DPP6: variants seen among roughly 807,000 people sequenced by gnomAD.
DPP6 encodes the protein A-type potassium channel modulatory protein DPP6.
DPP6 carries 69 observed loss-of-function variants against 122.6 expected under a neutral mutation model. The observed-to-expected ratio is 0.56, with a 90% CI of 0.46 to 0.69. The LOEUF (loss-of-function observed/expected upper bound fraction) is 0.69, where lower values mean the gene tolerates loss of function less well. Ranked by LOEUF, DPP6 falls within the 30% of genes least tolerant of loss-of-function variation. DPP6 has a pLI of 0.00. For missense variants in DPP6, 928 were observed against 1,116.9 expected (o/e 0.83, Z 2.41); for synonymous variants, 418 against 433.1 (o/e 0.97, Z 0.43).
At chr7:153,767,745 TG>T in the DPP6 span, among the ~76,000 whole-genome samples, 1 of 152,184 alleles carries the variant, frequency 6.6e-6, no homozygotes, top group African/African-American at 2.4e-5. Context: ...TGTCTTATTC[TG>T]GACAAGAATA....
intron 1 of DPP6, among the ~76,000 whole-genome samples, chr7:153,888,562 T>C (rs934835522): frequency 6.6e-6 from 1 of 152,234 alleles, no homozygotes; most frequent in Non-Finnish European, 1.5e-5. Context: ...GTCAGGGCGC[T>C]GGAGTCTCTG....
At chr7:154,886,188 G>A (rs1027420904) in intron 22 of DPP6, among the ~76,000 whole-genome samples, 1 of 152,248 alleles carries the variant, frequency 6.6e-6, no homozygotes, top group Non-Finnish European at 1.5e-5. Context: ...ATAAGGAAGG[G>A]ATGGTTGGGA....
chr7:153,919,199 A>T (rs1374397826), intron 1 of DPP6, among the ~76,000 whole-genome samples: 1 of 152,008 alleles, frequency 6.6e-6, no homozygotes, highest in African/African-American at 2.4e-5. Context: ...GCAGATGGAG[A>T]ATTTGCTACC....
the DPP6 span, among the ~76,000 whole-genome samples, chr7:153,861,578 T>A: frequency 2.6e-5 from 4 of 152,186 alleles, no homozygotes; most frequent in Non-Finnish European, 5.9e-5. Flanking sequence ...GCCTCTACAA[T>A]GAGCTATGCA....
intron 18 of DPP6, among the ~76,000 whole-genome samples, chr7:154,871,764 C>T (rs1455326968): frequency 6.6e-6 from 1 of 152,246 alleles, no homozygotes; most frequent in African/African-American, 2.4e-5. Context: ...CCCAAGCCTG[C>T]AGTGTATCTG....
intron 1 of DPP6, among the ~76,000 whole-genome samples, chr7:154,061,961 G>GCA (rs1585280222): frequency 1.6e-5 from 2 of 128,838 alleles, no homozygotes; most frequent in East Asian, 2.3e-4. Flanking sequence ...CTGCGAGGGT[G>GCA]GGGACTGAGA....
At chr7:154,699,874 G>C (rs1028627979) in intron 7 of DPP6, among the ~76,000 whole-genome samples, 6 of 152,170 alleles carry the variant, frequency 3.9e-5, no homozygotes, top group Non-Finnish European at 7.3e-5. Context: ...CCTTTCCTAG[G>C]TGTTCTGACG....
Position 154,053,064 on chromosome 7 carries a change from G to C in DPP6, c.243+1G>C. 9.5e-7 allele frequency: 1 copy of C among 1,050,750 alleles called. No homozygotes were observed. The highest frequency in any genetic ancestry group is 1.1e-6 in the Non-Finnish European group (1 of 872,410). 65.1% of individuals were successfully genotyped at this position (1,050,750 alleles called of 1,614,324 possible). A position where few individuals can be genotyped will look rare whatever the true frequency, so the allele number is the denominator to read the frequency against. On this transcript the variant is annotated splice_donor_variant, in intron 1 of 25. Coordinates refer to ENST00000377770, the MANE Select transcript of DPP6 (RefSeq NM_130797.4). LOFTEE classifies it high-confidence loss of function. ...GCGGAGCGATGGTGACGAGGAGGAC[G>C]TAAGAGCTTCTCGGGGGCGGGGGGC...
At chr7:154,131,854 A>T (rs182219895) in intron 1 of DPP6, among the ~76,000 whole-genome samples, 1 of 152,264 alleles carries the variant, frequency 6.6e-6, no homozygotes, top group African/African-American at 2.4e-5. Context: ...ATAAATTCTA[A>T]TTATAATAGG....
At chr7:154,708,454 A>T (rs773092720) in intron 7 of DPP6, among the ~76,000 whole-genome samples, 18 of 152,232 alleles carry the variant, frequency 1.2e-4, no homozygotes, top group African/African-American at 1.9e-4. Context: ...TCTGATAAAC[A>T]AAACATTGTA....
intron 1 of DPP6, among the ~76,000 whole-genome samples, chr7:154,277,251 G>A (rs1040088810): frequency 2.0e-5 from 3 of 152,114 alleles, no homozygotes; most frequent in Admixed American, 6.5e-5. Context: ...GGAGTAGGTC[G>A]ATCTGCAAAT....
At chr7:154,673,675 A>C (rs574919576) in intron 7 of DPP6, among the ~76,000 whole-genome samples, 26 of 152,308 alleles carry the variant, frequency 1.7e-4, no homozygotes, top group African/African-American at 6.0e-4. Context: ...GGCCAGATTA[A>C]ATAGGATTAA....
intron 1 of DPP6, among the ~76,000 whole-genome samples, chr7:154,148,643 A>G (rs1563249146): frequency 6.6e-6 from 1 of 152,296 alleles, no homozygotes; most frequent in African/African-American, 2.4e-5. Context: ...CAGCCTGCTC[A>G]CTACTAGAAG....
At chr7:153,935,696 C>G (rs1321226178) in intron 1 of DPP6, among the ~76,000 whole-genome samples, 1 of 152,202 alleles carries the variant, frequency 6.6e-6, no homozygotes, top group Non-Finnish European at 1.5e-5. Context: ...GTTGCAGAGG[C>G]ACAGGGGCCC....
intron 8 of DPP6, among the ~76,000 whole-genome samples, chr7:154,749,379 C>T (rs1253476787): frequency 5.4e-4 from 21 of 39,124 alleles, no homozygotes; most frequent in African/African-American, 1.8e-3. Flanking sequence ...GAGCATAGGA[C>T]GAGAGAGAGA....
At chr7:154,797,965 G>T (rs1798141910) in intron 12 of DPP6, among the ~76,000 whole-genome samples, 1 of 152,238 alleles carries the variant, frequency 6.6e-6, no homozygotes, top group Non-Finnish European at 1.5e-5. Context: ...GTTGGTGGGA[G>T]TGGGAGCCAG....
At chr7:154,673,265 C>T (rs1838680393) in intron 7 of DPP6, among the ~76,000 whole-genome samples, 1 of 152,208 alleles carries the variant, frequency 6.6e-6, no homozygotes, top group Admixed American at 6.5e-5. Flanking sequence ...GCAGAGAACA[C>T]AGCTGCAGTT....
intron 1 of DPP6, among the ~76,000 whole-genome samples, chr7:154,148,767 C>T (rs1408732656): frequency 6.6e-6 from 1 of 152,234 alleles, no homozygotes; most frequent in African/African-American, 2.4e-5. Flanking sequence ...TGCCTCATCC[C>T]CATCGCTCTT....
chr7:154,436,658 G>A (rs1483056300), intron 1 of DPP6, among the ~76,000 whole-genome samples: 2 of 152,114 alleles, frequency 1.3e-5, no homozygotes, highest in African/African-American at 2.4e-5. Context: ...ACAGCTTAAT[G>A]GGTGAGTGTA....
Sources: gnomAD v4.1 joint callset for allele counts (sites outside exome capture counted in the v4.1 genomes callset) on GRCh38, gnomAD v4.1.1 for gene constraint, MANE v1.5 for transcripts, NCBI Gene and HGNC (gene_info 2026-07-23, HGNC 2026-07-21) for gene names.